The following MYO9B variants were observed in gnomAD, a reference collection of about 807,000 sequenced individuals.
The protein encoded by MYO9B is myosin IXB, also known as unconventional myosin-IXb.
In MYO9B, 71 loss-of-function variants were observed where a neutral mutation model predicts 229.5. The observed-to-expected ratio is 0.31, with a 90% CI of 0.26 to 0.38. MYO9B has a LOEUF of 0.38. Among genes scored for constraint, MYO9B ranks in the 10% least tolerant of loss-of-function variants. The probability of loss-of-function intolerance (pLI) is 1.00; values close to 1 mark genes in which losing one functional copy is unlikely to be tolerated. For synonymous variants in MYO9B, 1,185 were observed against 1,235.8 expected (o/e 0.96, Z 0.86); for missense variants, 2,255 against 2,920.5 (o/e 0.77, Z 5.25).
chr19:17,184,755 C>T, intron 16 of MYO9B, 110 bp from the exon 17 acceptor site: 5 of 1,427,980 alleles, frequency 3.5e-6, no homozygotes, highest in South Asian at 1.3e-5. Flanking sequence ...GCTGCCCGGG[C>T]ACTCGCTGCG....
intron 2 of MYO9B, among the ~76,000 whole-genome samples, chr19:17,143,926 A>G (rs1260086305): frequency 1.3e-5 from 2 of 151,080 alleles, no homozygotes; most frequent in Non-Finnish European, 3.0e-5. Context: ...GTCTCAAAAT[A>G]AAAAAGAAAA....
intron 11 of MYO9B, among the ~76,000 whole-genome samples, chr19:17,168,291 A>G (rs555618154): frequency 2.6e-5 from 4 of 152,282 alleles, no homozygotes. Flanking sequence ...GAGCCTCTGG[A>G]GTAGCTGGGA....
At position 17,194,341 on chromosome 19, in the gene MYO9B, G is replaced by A. The variant is rs116317003; in HGVS notation, c.3129-215G>A. On this transcript the variant is annotated intron_variant, in intron 21 of 39. Coordinates refer to ENST00000682292, the MANE Select transcript of MYO9B (RefSeq NM_004145.4). ...CCCCTAACAAGGCAGCCAGGCAGAC[G>A]CAGGGCAGGGGTATCTGTGACACTG... is the stretch of plus-strand genomic sequence containing the variant. 7.2e-3 allele frequency among the ~76,000 whole-genome samples: 1,091 copies of A among 152,250 alleles called. 11 individuals are homozygous for A. The highest frequency in any genetic ancestry group is 0.024 in the African/African-American group (1,004 of 41,538).
At chr19:17,120,032 C>T (rs760380049) in intron 2 of MYO9B, among the ~76,000 whole-genome samples, 30 of 152,154 alleles carry the variant, frequency 2.0e-4, no homozygotes, top group Non-Finnish European at 3.4e-4. Context: ...GGCGTGCTGG[C>T]GCATGCCTGT....
intron 2 of MYO9B, among the ~76,000 whole-genome samples, chr19:17,138,005 A>G (rs766828011): frequency 3.3e-5 from 5 of 151,224 alleles, no homozygotes; most frequent in Non-Finnish European, 7.4e-5. Context: ...GCACCCATCA[A>G]CCCGTCACCT....
Position 17,180,714 on chromosome 19 carries a change from G to T in MYO9B, c.2220-213G>T, listed in dbSNP as rs540563419. 7.6e-6 allele frequency: 4 copies of T among 524,046 alleles called. No individual in the cohort carries two copies. In the East Asian group the frequency reaches 1.0e-4, roughly 13 times the overall value. The allele number at this position is 524,046 out of a possible 1,614,324, so 32.5% of individuals were successfully genotyped here. A position where few individuals can be genotyped will look rare whatever the true frequency, so the allele number is the denominator to read the frequency against. Reference sequence around the variant, plus strand: ...CAAGTCCAATTTGCCTCAAAGCCCTGCCCCGCTCCAGGGCTTGGGGAGGCT... The same window carrying T: ...CAAGTCCAATTTGCCTCAAAGCCCTTCCCCGCTCCAGGGCTTGGGGAGGCT... On this transcript the variant is annotated intron_variant, in intron 14 of 39. Transcript: ENST00000682292.
At chr19:17,123,097 T>C (rs1372938479) in intron 2 of MYO9B, among the ~76,000 whole-genome samples, 2 of 152,048 alleles carry the variant, frequency 1.3e-5, no homozygotes, top group Admixed American at 6.6e-5. Context: ...AGTAAATAAA[T>C]AATAAATAAG....
In MYO9B at chr19:17,154,003, C is replaced by G. The variant is rs747136928; in HGVS notation, c.1035C>G (p.Val345=). ...TGTTTTATTATTTGTTACTTGGGGT[C>G]AGCGAGGAAGAGCGCCAAGAATTTC... ...YHVFYYLLLG[V]SEEERQEFQL... is the part of the protein sequence containing the mutation. The change falls in exon 5 of 40, where the codon GTC becomes GTG. Residue 345 remains valine, a synonymous_variant. Coordinates refer to ENST00000682292, the MANE Select transcript of MYO9B (RefSeq NM_004145.4). 123 of 1,613,676 alleles carry G rather than the reference C, an allele frequency of 7.6e-5. No homozygotes were observed. In the East Asian group the frequency reaches 2.7e-3, roughly 35 times the overall value.
At chr19:17,163,159 G>T in intron 10 of MYO9B, 37 bp downstream of exon 10, 1 of 1,538,758 alleles carries the variant, frequency 6.5e-7, no homozygotes, top group South Asian at 1.2e-5. Context: ...TTTTGAACTT[G>T]GTAAATCAGA....
At chr19:17,110,445 C>T (rs544090446) in intron 2 of MYO9B, among the ~76,000 whole-genome samples, 7 of 152,150 alleles carry the variant, frequency 4.6e-5, no homozygotes, top group South Asian at 2.1e-4. Flanking sequence ...GGGGTCTCGC[C>T]GCAAAGCACA....
intron 19 of MYO9B, among the ~76,000 whole-genome samples, chr19:17,189,110 G>A (rs552500427): frequency 2.3e-4 from 34 of 150,866 alleles, no homozygotes; most frequent in African/African-American, 7.8e-4. Context: ...GCAATAAGCC[G>A]AGATCACGCC....
At position 17,175,746 on chromosome 19, in the gene MYO9B, G is replaced by T; in HGVS notation, c.2219+5G>T. Reference sequence around the variant, plus strand: ...CCCTTCGGAAAAACTTTACCGGTGAGCAAGACCCTGATTTGCCCAAACTGA... The same window carrying T: ...CCCTTCGGAAAAACTTTACCGGTGATCAAGACCCTGATTTGCCCAAACTGA... On this transcript the variant is annotated splice_donor_5th_base_variant and intron_variant, in intron 14 of 39. Coordinates refer to ENST00000682292, the MANE Select transcript of MYO9B (RefSeq NM_004145.4). 1 of 1,570,922 alleles carries T rather than the reference G, an allele frequency of 6.4e-7. No homozygotes were observed. Among genetic ancestry groups the T allele is most frequent in the Non-Finnish European group, 8.6e-7 (1 of 1,157,776 alleles).
intron 2 of MYO9B, among the ~76,000 whole-genome samples, chr19:17,125,175 C>G (rs1381849308): frequency 1.3e-5 from 2 of 151,980 alleles, no homozygotes; most frequent in Admixed American, 6.6e-5. Flanking sequence ...GTGGCACATG[C>G]CTGTGGTCCC....
intron 2 of MYO9B, among the ~76,000 whole-genome samples, chr19:17,114,955 CGTCTTTTT>C (rs1474522769): frequency 7.1e-6 from 1 of 141,450 alleles, no homozygotes; most frequent in Non-Finnish European, 1.5e-5. Flanking sequence ...TAAAACACTT[CGTCTTTTT>C]AGTGTCTTTT....
intron 11 of MYO9B, among the ~76,000 whole-genome samples, chr19:17,169,802 C>A (rs1162910201): frequency 9.4e-6 from 1 of 106,588 alleles, no homozygotes; most frequent in Non-Finnish European, 1.9e-5. Flanking sequence ...CTGTCTCCTC[C>A]TTTTTTTTTT....
At chr19:17,137,395 C>G (rs1480232883) in intron 2 of MYO9B, among the ~76,000 whole-genome samples, 1 of 152,092 alleles carries the variant, frequency 6.6e-6, no homozygotes, top group Non-Finnish European at 1.5e-5. Context: ...GACCCTGTCT[C>G]CCTGTCTCAA....
At chr19:17,139,687 C>CAGGAGG (rs2072313376) in intron 2 of MYO9B, among the ~76,000 whole-genome samples, 1 of 151,796 alleles carries the variant, frequency 6.6e-6, no homozygotes, top group Non-Finnish European at 1.5e-5. Flanking sequence ...TGCAGTGAGC[C>CAGGAGG]ATGATCATGC....
intron 1 of MYO9B, among the ~76,000 whole-genome samples, chr19:17,079,717 A>T (rs765458267): frequency 6.6e-6 from 1 of 152,018 alleles, no homozygotes; most frequent in Non-Finnish European, 1.5e-5. Context: ...GGGCCACGGG[A>T]CTGACGGTCC....
intron 8 of MYO9B, among the ~76,000 whole-genome samples, chr19:17,159,943 C>T (rs1454010674): frequency 6.6e-6 from 1 of 152,168 alleles, no homozygotes; most frequent in Non-Finnish European, 1.5e-5. Context: ...AAGAATTTGC[C>T]CATCCCTAGA....
Sources: allele counts gnomAD v4.1 joint callset (sites outside exome capture counted in the v4.1 genomes callset), GRCh38; gene constraint gnomAD v4.1.1; transcripts MANE v1.5; gene names NCBI Gene and HGNC (gene_info 2026-07-23, HGNC 2026-07-21).